DHX36: variants seen among roughly 807,000 people sequenced by gnomAD.
DHX36 encodes the protein ATP-dependent DNA/RNA helicase DHX36.
A neutral mutation model predicts 139.0 loss-of-function variants in DHX36; 50 were observed. The ratio of observed to expected loss-of-function variants is 0.36; its 90% confidence interval spans 0.29 to 0.46. The LOEUF is 0.46. Among genes scored for constraint, DHX36 ranks in the 20% least tolerant of loss-of-function variants. The pLI, the probability that DHX36 is intolerant of heterozygous loss-of-function variation, is 1.00. For missense variants in DHX36, 1,024 were observed against 1,211.3 expected (o/e 0.85, Z 2.29); for synonymous variants, 425 against 401.9 (o/e 1.06, Z -0.69).
chr3:154,287,071 G>A (rs974983327), intron 17 of DHX36, among the ~76,000 whole-genome samples: 2 of 152,114 alleles, frequency 1.3e-5, no homozygotes, highest in African/African-American at 2.4e-5. Context: ...GCCAACAGAT[G>A]AGAAATAAGC....
chr3:154,312,900 T>TATATATATATATATATATATATAA (rs1331669290), intron 3 of DHX36, among the ~76,000 whole-genome samples: 1 of 67,590 alleles, frequency 1.5e-5, no homozygotes, highest in Non-Finnish European at 2.8e-5. Flanking sequence ...TATATATATA[T>TATATATATATATATATATATATAA]AAAATAAATA....
Position 154,295,273 on chromosome 3 carries a change from A to T in DHX36, c.1605+11T>A. ...TGAAATACATTTAACAAATGTATCCATTTAACATACCTGTGTCTGGTTAAC... is the reference window on the plus strand; with the variant it reads ...TGAAATACATTTAACAAATGTATCCTTTTAACATACCTGTGTCTGGTTAAC... On this transcript the variant is annotated intron_variant, in intron 13 of 24. Transcript: ENST00000496811. 1.3e-6 allele frequency: 2 copies of T among 1,523,076 alleles called. No homozygotes were observed. The highest frequency in any genetic ancestry group is 1.8e-6 in the Non-Finnish European group (2 of 1,118,852). 94.3% of individuals were successfully genotyped at this position (1,523,076 alleles called of 1,614,324 possible). A position where few individuals can be genotyped will look rare whatever the true frequency, so the allele number is the denominator to read the frequency against.
chr3:154,317,833 G>GT (rs141447661), intron 1 of DHX36, among the ~76,000 whole-genome samples: 2,596 of 142,668 alleles, frequency 0.018, 33 homozygotes, highest in Middle Eastern at 0.037. Context: ...GATTTCAATT[G>GT]TTTATTTTTT....
rs1719193603 is a variant in DHX36, at chr3:154,277,681, C to G, written c.2605G>C (p.Val869Leu). ...VYTKTDGLVA[V>L]HPKSVNVEQT... is the part of the protein sequence containing the mutation. ...TCCACATTAACAGATTTAGGATGAA[C>G]AGCAACCAGGCCATCGGTTTTTGTG... The change falls in exon 23 of 25, where the codon GTT becomes CTT. Residue 869 changes from valine (V) to leucine (L), a missense_variant. Val to Leu is a conservative substitution (Grantham distance 32). This residue lies in a region of DHX36 where 470 missense variants were observed against 616.2 expected (regional missense o/e 0.76). Transcript: ENST00000496811. 6.2e-7 allele frequency: 1 copy of G among 1,610,888 alleles called. No homozygotes were observed.
At chr3:154,291,539 CTTT>C (rs1441260729) in intron 15 of DHX36, among the ~76,000 whole-genome samples, 1 of 152,168 alleles carries the variant, frequency 6.6e-6, no homozygotes, top group East Asian at 1.9e-4. Flanking sequence ...GGGTATACTT[CTTT>C]GACTAAACCA....
chr3:154,294,552 T>C (rs1470569022), intron 13 of DHX36, among the ~76,000 whole-genome samples: 1 of 152,178 alleles, frequency 6.6e-6, no homozygotes, highest in Non-Finnish European at 1.5e-5. Context: ...CTTTCAGTCT[T>C]TGGAATCAAG....
chr3:154,310,197 T>C (rs1457869153), intron 4 of DHX36, among the ~76,000 whole-genome samples: 1 of 152,158 alleles, frequency 6.6e-6, no homozygotes, highest in East Asian at 1.9e-4. Flanking sequence ...AATTCATAAA[T>C]ATGGCTTTGT....
In DHX36 at chr3:154,312,431, C is replaced by T. The variant is rs142173643; in HGVS notation, c.604-757G>A. Among the ~76,000 whole-genome samples the T allele has an allele frequency of 5.3e-5, 8 of 151,706 alleles. No homozygotes were observed. The East Asian group carries it at 1.6e-3, about 30-fold the overall frequency. On this transcript the variant is annotated intron_variant, in intron 3 of 24. Coordinates refer to ENST00000496811, the MANE Select transcript of DHX36 (RefSeq NM_020865.3). Reference sequence around the variant, plus strand: ...TTTATGGAACTCTATACCCGTATTACATAAAAACATTTAAGAAGCAGTCCT... The same window carrying T: ...TTTATGGAACTCTATACCCGTATTATATAAAAACATTTAAGAAGCAGTCCT...
chr3:154,277,914 C>A (rs961939535), intron 22 of DHX36, 196 bp from the exon 23 acceptor site: 1 of 408,552 alleles, frequency 2.4e-6, no homozygotes. Flanking sequence ...GCATAATTTC[C>A]TTAAAAATAT....
chr3:154,282,532 C>T (rs191486925), intron 20 of DHX36, among the ~76,000 whole-genome samples: 1 of 149,558 alleles, frequency 6.7e-6, no homozygotes, highest in East Asian at 2.0e-4. Context: ...GCATTCCACT[C>T]TTTTTTTTTT....
In DHX36 at chr3:154,301,117, C is replaced by G; in HGVS notation, c.1228G>C (p.Glu410Gln). The G allele has an allele frequency of 6.3e-7, 1 of 1,589,166 alleles. No individual in the cohort carries two copies. Among genetic ancestry groups the G allele is most frequent in the Non-Finnish European group, 8.5e-7 (1 of 1,174,190 alleles). The change falls in exon 10 of 25, where the codon GAA becomes CAA. Residue 410 changes from glutamate to glutamine, a missense_variant. Physicochemically the swap from Glu to Gln is conservative, Grantham distance 29 (BLOSUM62 2). Coordinates refer to ENST00000496811, the MANE Select transcript of DHX36 (RefSeq NM_020865.3). ...DVIEKIRYVP[E>Q]QKEHRSQFKR... Reference sequence around the variant, plus strand: ...AACTGGGATCTGTGTTCTTTTTGTTCTGGAACATACCTAAAATAAAAACAT... The same window carrying G: ...AACTGGGATCTGTGTTCTTTTTGTTGTGGAACATACCTAAAATAAAAACAT...
chr3:154,316,814 A>G (rs1456573676), intron 1 of DHX36, among the ~76,000 whole-genome samples: 1 of 152,024 alleles, frequency 6.6e-6, no homozygotes, highest in Non-Finnish European at 1.5e-5. Context: ...AAAAAAAAAA[A>G]AGAGAATGAA....
At chr3:154,301,200 A>T (rs982753197) in intron 9 of DHX36, 73 bp from the exon 10 acceptor site, 4 of 1,414,230 alleles carry the variant, frequency 2.8e-6, no homozygotes, top group Admixed American at 2.6e-5. Context: ...GTGACATTTT[A>T]TATTTAGGAT....
At chr3:154,293,881 G>T in intron 13 of DHX36, 69 bp from the exon 14 acceptor site, 1 of 1,121,258 alleles carries the variant, frequency 8.9e-7, no homozygotes, top group Non-Finnish European at 1.3e-6. Flanking sequence ...TGTAATTAGA[G>T]GAATTACCTC....
At position 154,324,165 on chromosome 3, in the gene DHX36, C is replaced by T. The variant is rs766719633; in HGVS notation, c.243+9G>A. The T allele has an allele frequency of 1.5e-5, 24 of 1,605,546 alleles. No homozygotes were observed. Among genetic ancestry groups the T allele is most frequent in the South Asian group, 5.6e-5 (5 of 89,776 alleles). ...GCCTCATCCTCTCCACTACTGAATCCGAGATTACCTCTTGCCTCTCCGCTT... is the reference window on the plus strand; with the variant it reads ...GCCTCATCCTCTCCACTACTGAATCTGAGATTACCTCTTGCCTCTCCGCTT... On this transcript the variant is annotated intron_variant, in intron 1 of 24. Coordinates refer to ENST00000496811, the MANE Select transcript of DHX36 (RefSeq NM_020865.3).
chr3:154,316,290 CACAGGT>C (rs1325913737), intron 1 of DHX36, 127 bp from the exon 2 acceptor site: 1 of 1,231,570 alleles, frequency 8.1e-7, no homozygotes, highest in African/African-American at 1.5e-5. Context: ...GAAAGTTATC[CACAGGT>C]GTCCTCTAGC....
At chr3:154,313,541 G>A (rs76617923) in intron 3 of DHX36, among the ~76,000 whole-genome samples, 1,726 of 152,148 alleles carry the variant, frequency 0.011, 31 homozygotes, top group African/African-American at 0.04. Context: ...TTAACCAGGC[G>A]TACTGGCACA....
intron 15 of DHX36, among the ~76,000 whole-genome samples, chr3:154,290,249 ATATATT>A (rs1711735181): frequency 6.6e-6 from 1 of 152,254 alleles, no homozygotes; most frequent in East Asian, 1.9e-4. Flanking sequence ...TTTAAGTACT[ATATATT>A]TAGTGAGTTT....
At chr3:154,314,466 T>C (rs1712885486) in intron 3 of DHX36, among the ~76,000 whole-genome samples, 1 of 152,120 alleles carries the variant, frequency 6.6e-6, no homozygotes. Context: ...AACATATACA[T>C]ACATACATGA....
Sources: gnomAD v4.1 joint callset for allele counts (sites outside exome capture counted in the v4.1 genomes callset) on GRCh38, gnomAD v4.1.1 for gene constraint, gnomAD v4.1.1 regional missense constraint, MANE v1.5 for transcripts, NCBI Gene and HGNC (gene_info 2026-07-23, HGNC 2026-07-21) for gene names.